The following PCDHA9 variants were observed in gnomAD, a reference collection of about 807,000 sequenced individuals.
The protein encoded by PCDHA9 is protocadherin alpha-9.
In PCDHA9, 62 loss-of-function variants were observed where a neutral mutation model predicts 62.0. That is an observed-to-expected ratio of 1.00 (90% CI 0.81 to 1.23). PCDHA9 has a LOEUF of 1.23. Among genes scored for constraint, PCDHA9 ranks in the 50% most tolerant of loss-of-function variants. The pLI is 0.00. For missense variants in PCDHA9, 1,205 were observed against 1,249.8 expected (o/e 0.96, Z 0.54); for synonymous variants, 557 against 567.6 (o/e 0.98, Z 0.27).
rs2150454845 is a variant in PCDHA9, at chr5:140,849,865, A to G, written c.1370A>G (p.Gln457Arg). The change falls in exon 1 of 4, where the codon CAG becomes CGG. Residue 457 changes from glutamine (Q) to arginine (R), a missense_variant. Coordinates refer to ENST00000532602, the MANE Select transcript of PCDHA9 (RefSeq NM_031857.2). The part of the protein sequence containing the change: ...DVNDNAPAFA[Q>R]SEYTVFVKEN... ...AACGACAACGCACCAGCGTTCGCGC[A>G]GTCCGAGTACACGGTGTTCGTGAAG... The G allele has an allele frequency of 3.1e-6, 5 of 1,598,572 alleles. 1 individual carries two copies. The Admixed American group carries it at 8.4e-5, about 27-fold the overall frequency.
chr5:141,000,375 C>G (rs1253953172), intron 3 of PCDHA9, among the ~76,000 whole-genome samples: 8 of 57,690 alleles, frequency 1.4e-4, no homozygotes, highest in Non-Finnish European at 1.9e-4. Context: ...CTCTCTCTCT[C>G]TCTCTCTCTC....
chr5:140,856,604 G>C lies in PCDHA9; in HGVS notation c.2394+5715G>C, dbSNP rs200468399. 1,451 of 1,597,840 alleles carry C rather than the reference G, an allele frequency of 9.1e-4. 118 individuals are homozygous for C. Among genetic ancestry groups the C allele is most frequent in the Non-Finnish European group, 8.3e-4 (967 of 1,167,426 alleles). ...TGTTCTTGATATTATAAACAAAAAA[G>C]ACAAAGACAAATTCCCAGTGCTTGT... On this transcript the variant is annotated intron_variant, in intron 1 of 3. Coordinates refer to ENST00000532602, the MANE Select transcript of PCDHA9 (RefSeq NM_031857.2).
At chr5:140,858,376 A>G in intron 1 of PCDHA9, 2 of 1,587,998 alleles carry the variant, frequency 1.3e-6, no homozygotes. Flanking sequence ...GCCTTCCACC[A>G]TGCCCAATGG....
intron 3 of PCDHA9, among the ~76,000 whole-genome samples, chr5:141,007,259 G>A (rs2098311634): frequency 6.6e-6 from 1 of 151,998 alleles, no homozygotes; most frequent in Non-Finnish European, 1.5e-5. Flanking sequence ...GTTAAAAGAA[G>A]CAGATACAGG....
At chr5:141,003,404 C>T (rs1220823523) in intron 3 of PCDHA9, among the ~76,000 whole-genome samples, 4 of 152,138 alleles carry the variant, frequency 2.6e-5, no homozygotes, top group African/African-American at 4.8e-5. Context: ...CTCCGCCTCC[C>T]GGGTTCGAGT....
intron 1 of PCDHA9, chr5:140,858,447 A>G (rs1554151639): frequency 6.5e-7 from 1 of 1,533,388 alleles, no homozygotes; most frequent in Admixed American, 2.0e-5. Flanking sequence ...GTGGGTTATT[A>G]CGTTTTCATT....
At chr5:140,868,000 C>G (rs2050232725) in intron 1 of PCDHA9, 1 of 152,022 alleles carries the variant, frequency 6.6e-6, no homozygotes, top group Non-Finnish European at 1.5e-5. Flanking sequence ...ATGAATATAA[C>G]TGAATTAGAT....
intron 1 of PCDHA9, among the ~76,000 whole-genome samples, chr5:140,957,345 A>G (rs1375707193): frequency 6.6e-6 from 1 of 152,170 alleles, no homozygotes; most frequent in Admixed American, 6.5e-5. Flanking sequence ...ATTTTGAGAG[A>G]GAGACCACAT....
intron 1 of PCDHA9, chr5:140,877,158 G>A (rs781901798): frequency 1.2e-6 from 2 of 1,613,808 alleles, no homozygotes; most frequent in Admixed American, 3.3e-5. Context: ...ACGACAACGC[G>A]CCGGCACTGC....
intron 3 of PCDHA9, among the ~76,000 whole-genome samples, chr5:141,000,381 CTCTCTCTCTCTCTCTATA>C (rs1371464108): frequency 4.9e-5 from 3 of 61,382 alleles, no homozygotes; most frequent in South Asian, 5.3e-4. Flanking sequence ...CTCTCTCTCT[CTCTCTCTCTCTCTCTATA>C]TATATATATA....
intron 3 of PCDHA9, among the ~76,000 whole-genome samples, chr5:140,983,060 A>G (rs1460099092): frequency 6.6e-6 from 1 of 152,120 alleles, no homozygotes; most frequent in Non-Finnish European, 1.5e-5. Flanking sequence ...TATCGGAACC[A>G]AGGCATTGTT....
intron 1 of PCDHA9, chr5:140,870,942 G>T (rs782286042): frequency 1.2e-6 from 2 of 1,613,740 alleles, no homozygotes; most frequent in Non-Finnish European, 1.7e-6. Flanking sequence ...TGCAGCCGGC[G>T]GCGGGCGGCT....
At chr5:140,944,051 C>G (rs1383787401) in intron 1 of PCDHA9, among the ~76,000 whole-genome samples, 1 of 152,086 alleles carries the variant, frequency 6.6e-6, no homozygotes, top group East Asian at 1.9e-4. Context: ...GATTGGGATA[C>G]AAAAAGGTTT....
intron 1 of PCDHA9, chr5:140,859,810 TGC>T (rs2046025948): frequency 6.6e-6 from 1 of 152,488 alleles, no homozygotes. Context: ...GCTAAGTTAA[TGC>T]AGAGTTTAGA....
intron 1 of PCDHA9, chr5:140,865,906 T>A (rs2153227023): frequency 6.6e-6 from 1 of 152,286 alleles, no homozygotes; most frequent in Non-Finnish European, 1.5e-5. Flanking sequence ...CAGGCAAATC[T>A]TTCTTTCTGT....
chr5:140,995,709 G>C (rs1279829164), intron 3 of PCDHA9, among the ~76,000 whole-genome samples: 6 of 152,162 alleles, frequency 3.9e-5, no homozygotes, highest in African/African-American at 1.4e-4. Flanking sequence ...GCTGGGCTTG[G>C]AAATGTTCTT....
chr5:140,990,760 G>A (rs2097413418), intron 3 of PCDHA9, among the ~76,000 whole-genome samples: 1 of 152,182 alleles, frequency 6.6e-6, no homozygotes, highest in Non-Finnish European at 1.5e-5. Context: ...CTTTGAGCCT[G>A]TAAATTTGGC....
intron 3 of PCDHA9, among the ~76,000 whole-genome samples, chr5:140,994,753 G>A (rs143791883): frequency 1.1e-4 from 16 of 152,252 alleles, no homozygotes; most frequent in African/African-American, 3.9e-4. Context: ...AGTAGGATGT[G>A]GAGAGGAAGA....
At chr5:140,931,744 C>G (rs2087714665) in intron 1 of PCDHA9, among the ~76,000 whole-genome samples, 5 of 151,904 alleles carry the variant, frequency 3.3e-5, no homozygotes, top group Admixed American at 3.3e-4. Flanking sequence ...TTGTAATTCA[C>G]AAAGGCATTT....
Sources: allele counts gnomAD v4.1 joint callset (sites outside exome capture counted in the v4.1 genomes callset), GRCh38; gene constraint gnomAD v4.1.1; transcripts MANE v1.5; gene names NCBI Gene and HGNC (gene_info 2026-07-23, HGNC 2026-07-21).